The following COLGALT2 variants were observed in gnomAD, a reference collection of about 807,000 sequenced individuals.
COLGALT2 encodes the protein procollagen galactosyltransferase 2.
A neutral mutation model predicts 73.4 loss-of-function variants in COLGALT2; 49 were observed. That is an observed-to-expected ratio of 0.67 (90% CI 0.53 to 0.85). The LOEUF (loss-of-function observed/expected upper bound fraction) is 0.85, where lower values mean the gene tolerates loss of function less well. Ranked by LOEUF, COLGALT2 falls within the 40% of genes least tolerant of loss-of-function variation. COLGALT2 has a pLI of 0.00. For synonymous variants in COLGALT2, 295 were observed against 307.6 expected, an observed-to-expected ratio of 0.96 and a Z score of 0.43; for missense variants, 722 against 790.2, an observed-to-expected ratio of 0.91 and a Z score of 1.03.
intron 1 of COLGALT2, among the ~76,000 whole-genome samples, chr1:184,016,558 G>A (rs1163165087): frequency 6.6e-6 from 1 of 152,210 alleles, no homozygotes; most frequent in Admixed American, 6.5e-5. Flanking sequence ...GCAGCAGGCA[G>A]GTGCTGTGTT....
chr1:184,034,769 T>C (rs1166321884), intron 1 of COLGALT2, among the ~76,000 whole-genome samples: 1 of 152,242 alleles, frequency 6.6e-6, no homozygotes, highest in Non-Finnish European at 1.5e-5. Flanking sequence ...GTGGAATTTA[T>C]AAATAAATGT....
At chr1:183,975,238 C>T (rs375403646) in intron 2 of COLGALT2, 24 bp from the exon 3 acceptor site, 19 of 1,434,022 alleles carry the variant, frequency 1.3e-5, no homozygotes, top group Admixed American at 1.7e-5. Context: ...AATAGCTCAT[C>T]ATTATTGAGT....
Position 183,937,129 on chromosome 1 carries a change from A to G in COLGALT2, c.*1632T>C, listed in dbSNP as rs1305662876. ...TTACACTCGTACACTAAGCTTGTGTATGTAGCACCACCCGCCTGTGGACTC... is the reference window on the plus strand; with the variant it reads ...TTACACTCGTACACTAAGCTTGTGTGTGTAGCACCACCCGCCTGTGGACTC... On this transcript the variant is annotated 3_prime_UTR_variant, in exon 12 of 12. Coordinates refer to ENST00000361927, the MANE Select transcript of COLGALT2 (RefSeq NM_015101.4). 1.7e-5 allele frequency: 21 copies of G among 1,229,732 alleles called. No individual in the cohort carries two copies. The highest frequency in any genetic ancestry group is 1.7e-4 in the Admixed American group (4 of 23,654). 76.2% of individuals were successfully genotyped at this position (1,229,732 alleles called of 1,614,324 possible).
chr1:184,032,222 T>C (rs1427517144), intron 1 of COLGALT2, among the ~76,000 whole-genome samples: 1 of 152,210 alleles, frequency 6.6e-6, no homozygotes, highest in African/African-American at 2.4e-5. Flanking sequence ...CTAATATTTT[T>C]TGTTGTTGTT....
chr1:184,001,530 T>A lies in COLGALT2; in HGVS notation c.264-23010A>T, dbSNP rs965008158. ...ACCTCTCTTTCATAGTTTCCATCTT[T>A]TTGACTTTATATACTGCATGCAGTA... On this transcript the variant is annotated intron_variant, in intron 1 of 11. Coordinates refer to ENST00000361927, the MANE Select transcript of COLGALT2 (RefSeq NM_015101.4). Among the ~76,000 whole-genome samples the A allele has an allele frequency of 2.6e-5, 4 of 152,200 alleles. No homozygotes were observed. The East Asian group carries it at 7.7e-4, about 29-fold the overall frequency.
intron 5 of COLGALT2, among the ~76,000 whole-genome samples, chr1:183,968,636 G>A (rs1360747787): frequency 6.7e-6 from 1 of 149,830 alleles, no homozygotes; most frequent in Non-Finnish European, 1.5e-5. Flanking sequence ...TAGCTAACAG[G>A]ATTTGCATGG....
chr1:184,020,907 C>A (rs763146826), intron 1 of COLGALT2, among the ~76,000 whole-genome samples: 8 of 152,066 alleles, frequency 5.3e-5, no homozygotes, highest in Non-Finnish European at 1.2e-4. Flanking sequence ...GCCTTAGTTT[C>A]TCTCTATGTG....
intron 1 of COLGALT2, among the ~76,000 whole-genome samples, chr1:184,020,444 C>A (rs17512325): frequency 0.14 from 21,423 of 152,160 alleles, 1,812 homozygotes; most frequent in Non-Finnish European, 0.19. Context: ...ATTCTGAAGG[C>A]AAATCTGACC....
rs1051155817 is a variant in COLGALT2 at position 183,945,541 on chromosome 1, T to C, written c.1160A>G (p.Lys387Arg). 3.7e-6 allele frequency: 6 copies of C among 1,614,072 alleles called. No individual in the cohort carries two copies. Among genetic ancestry groups the C allele is most frequent in the Non-Finnish European group, 5.1e-6 (6 of 1,180,028 alleles). ...AGGCAGCATTTCAATATTCAGTGCC[T>C]TCAGCTGGCTTGTGTTGAGTGCCCT... ...DGKALNTSQL[K>R]ALNIEMLPGY... Residue 387 changes from lysine to arginine, a missense_variant, in exon 9 of 12, where the codon AAG becomes AGG. Transcript: ENST00000361927.
Position 183,937,842 on chromosome 1 carries a change from ACT to A in COLGALT2, c.*917_*918del, listed in dbSNP as rs1669999340. ...AAATGTGCTCTGTCTCTTAGCAGTG[ACT>A]CACAGAACTCACACCTGCGGTGGGT... On this transcript the variant is annotated 3_prime_UTR_variant, in exon 12 of 12. Transcript: ENST00000361927. The A allele has an allele frequency of 1.2e-5, 12 of 985,320 alleles. No homozygotes were observed. Among genetic ancestry groups the A allele is most frequent in the African/African-American group, 1.7e-5 (1 of 57,234 alleles). The allele number at this position is 985,320 out of a possible 1,614,324, so 61.0% of individuals were successfully genotyped here.
At position 183,940,699 on chromosome 1, in the gene COLGALT2, A is replaced by G; in HGVS notation, c.1486T>C (p.Trp496Arg). ...AGAGAGATGACGTAGCCCAGGGTCC[A>G]GTAGGAATAGTCGGCTTCGACCAGG... ...ANLVEADYSYWTLGYVISLEG... is the reference protein window; with the variant it reads ...ANLVEADYSYRTLGYVISLEG... The change falls in exon 11 of 12, where the codon TGG (tryptophan) becomes CGG (arginine). Residue 496 changes from tryptophan (W) to arginine (R), a missense_variant. By Grantham distance (101) the Trp-to-Arg change is moderately radical (BLOSUM62 -3). Transcript: ENST00000361927. 1 of 1,614,244 alleles carries G rather than the reference A, an allele frequency of 6.2e-7. No individual in the cohort carries two copies. The highest frequency in any genetic ancestry group is 8.5e-7 in the Non-Finnish European group (1 of 1,180,034).
rs529449535 is a variant in COLGALT2, at chr1:183,944,168, C to T, written c.1397+28G>A. The T allele has an allele frequency of 1.8e-5, 28 of 1,598,566 alleles. No individual in the cohort carries two copies. The South Asian group carries it at 2.4e-4, about 14-fold the overall frequency. ...GAAAGGACTGAGTGCCTCTCAGAGC[C>T]CTCTCGTAAGATCATCTTGTCACTC... On this transcript the variant is annotated intron_variant, in intron 10 of 11. Coordinates refer to ENST00000361927, the MANE Select transcript of COLGALT2 (RefSeq NM_015101.4).
chr1:183,982,303 G>A (rs1025182661), intron 1 of COLGALT2, among the ~76,000 whole-genome samples: 2 of 152,158 alleles, frequency 1.3e-5, no homozygotes, highest in Non-Finnish European at 2.9e-5. Context: ...AAGCAACGTG[G>A]AAGAAGGCCA....
At chr1:184,025,048 A>G (rs1649292707) in intron 1 of COLGALT2, among the ~76,000 whole-genome samples, 1 of 152,196 alleles carries the variant, frequency 6.6e-6, no homozygotes, top group Admixed American at 6.5e-5. Context: ...TTAGACAAAC[A>G]CCAGCAGTTC....
intron 1 of COLGALT2, among the ~76,000 whole-genome samples, chr1:184,015,674 A>G (rs964865305): frequency 2.5e-4 from 38 of 152,228 alleles, no homozygotes; most frequent in South Asian, 2.1e-4. Context: ...GCCCTCTGCC[A>G]TGATGTTCTT....
chr1:183,947,708 CCAAAG>C (rs1670288725), intron 8 of COLGALT2, among the ~76,000 whole-genome samples: 1 of 151,504 alleles, frequency 6.6e-6, no homozygotes, highest in South Asian at 2.1e-4. Flanking sequence ...AAAATTAAAC[CCAAAG>C]CAAACAGGAG....
chr1:184,028,271 T>C (rs1395394757), intron 1 of COLGALT2, among the ~76,000 whole-genome samples: 4 of 152,234 alleles, frequency 2.6e-5, no homozygotes, highest in Non-Finnish European at 2.9e-5. Flanking sequence ...TAGAAAATTC[T>C]ACCTTTCCCA....
chr1:184,022,541 T>C (rs2102855915), intron 1 of COLGALT2, among the ~76,000 whole-genome samples: 1 of 152,280 alleles, frequency 6.6e-6, no homozygotes, highest in African/African-American at 2.4e-5. Context: ...TCAGGAGAAA[T>C]TATTTCAGAA....
At chr1:183,998,412 G>A (rs57451518) in intron 1 of COLGALT2, among the ~76,000 whole-genome samples, 21,220 of 151,992 alleles carry the variant, frequency 0.14, 2,201 homozygotes, top group African/African-American at 0.28. Flanking sequence ...TTTCTCTGTC[G>A]GTTGGTTGAT....
Sources: gnomAD v4.1 joint callset for allele counts (sites outside exome capture counted in the v4.1 genomes callset) on GRCh38, gnomAD v4.1.1 for gene constraint, MANE v1.5 for transcripts, NCBI Gene and HGNC (gene_info 2026-07-23, HGNC 2026-07-21) for gene names.